The following PRRC2C variants were observed in gnomAD, a reference collection of about 807,000 sequenced individuals.
PRRC2C encodes the protein proline rich coiled-coil 2C, also known as protein PRRC2C.
PRRC2C carries 72 observed loss-of-function variants against 317.2 expected under a neutral mutation model. The observed-to-expected ratio is 0.23, with a 90% CI of 0.19 to 0.28. The LOEUF (loss-of-function observed/expected upper bound fraction) is 0.28, where lower values mean the gene tolerates loss of function less well. PRRC2C is among the 10% of genes least tolerant of loss of function. The pLI is 1.00. For synonymous variants in PRRC2C, 1,296 were observed against 1,205.9 expected, an observed-to-expected ratio of 1.07 and a Z score of -1.55; for missense variants, 3,074 against 3,459.7, an observed-to-expected ratio of 0.89 and a Z score of 2.80.
chr1:171,586,559 T>C (rs1032400931), intron 30 of PRRC2C, among the ~76,000 whole-genome samples: 2 of 106,908 alleles, frequency 1.9e-5, no homozygotes, highest in Non-Finnish European at 4.1e-5. Context: ...TATTTTATTT[T>C]ATTTTATTTT....
At chr1:171,492,573 A>C (rs1166482084) in intron 1 of PRRC2C, among the ~76,000 whole-genome samples, 2 of 151,766 alleles carry the variant, frequency 1.3e-5, no homozygotes, top group African/African-American at 2.4e-5. Context: ...GGAGTGGGGG[A>C]CTAACAGGTT....
rs1369455793 is a variant in PRRC2C, at chr1:171,536,031, A to G, written c.2046A>G (p.Glu682=). 6.4e-7 allele frequency: 1 copy of G among 1,552,182 alleles called. No individual in the cohort carries two copies. Among genetic ancestry groups the G allele is most frequent in the Admixed American group, 2.0e-5 (1 of 51,016 alleles). The stretch of plus-strand genomic sequence containing the variant: ...GATATGGGATCTTACTTTTTCAGGA[A>G]CAGATGAAACAGCAGCAGTGGCAGC... The part of the protein sequence containing the change: ...SLPPRFQRQQ[E]QMKQQQWQQQ... Residue 682 remains glutamate, a splice_region_variant and synonymous_variant, in exon 14 of 35, where the codon GAA becomes GAG. Coordinates refer to ENST00000647382, the MANE Select transcript of PRRC2C (RefSeq NM_001387844.1).
At chr1:171,521,150 C>T (rs1023529876) in intron 6 of PRRC2C, among the ~76,000 whole-genome samples, 44 of 152,246 alleles carry the variant, frequency 2.9e-4, no homozygotes, top group African/African-American at 9.1e-4. Context: ...CATAGCCTTA[C>T]TTCAAATGTA....
intron 5 of PRRC2C, among the ~76,000 whole-genome samples, 157 bp from the exon 6 acceptor site, chr1:171,517,434 C>T (rs980180634): frequency 1.5e-4 from 23 of 152,006 alleles, no homozygotes; most frequent in Admixed American, 1.2e-3. Context: ...GCCACTACTA[C>T]GCAAACAACT....
chr1:171,534,873 G>A (rs1009419014), intron 12 of PRRC2C, among the ~76,000 whole-genome samples: 16 of 152,162 alleles, frequency 1.1e-4, no homozygotes, highest in Admixed American at 9.8e-4. Context: ...TGTAACAAGC[G>A]TGGATTTGTA....
intron 1 of PRRC2C, among the ~76,000 whole-genome samples, chr1:171,497,563 C>T (rs1668351627): frequency 6.6e-6 from 1 of 151,930 alleles, no homozygotes; most frequent in Non-Finnish European, 1.5e-5. Flanking sequence ...CCTCAACCTC[C>T]TAGGCTCAAG....
Position 171,541,573 on chromosome 1 carries a change from A to C in PRRC2C, c.4107A>C (p.Arg1369Ser), listed in dbSNP as rs1395569836. 5 of 1,613,722 alleles carry C rather than the reference A, an allele frequency of 3.1e-6. No homozygotes were observed. The highest frequency in any genetic ancestry group is 4.2e-6 in the Non-Finnish European group (5 of 1,179,874). The change falls in exon 16 of 35, where the codon AGA becomes AGC. Residue 1369 changes from arginine to serine, a missense_variant. Physicochemically the swap from Arg to Ser is moderately radical, Grantham distance 110 (BLOSUM62 -1). This residue lies in a region of PRRC2C where 1,320 missense variants were observed against 1,395.7 expected (regional missense o/e 0.95). Transcript: ENST00000647382. The surrounding 1 kb of genome is among the most constrained non-coding windows in gnomAD (Gnocchi z 4.1). ...CATCACGCCCTTCCACTTTACGAAGACCAGCTTATCGGGACAATCAGTGGA... is the reference window on the plus strand; with the variant it reads ...CATCACGCCCTTCCACTTTACGAAGCCCAGCTTATCGGGACAATCAGTGGA... ...GRPSRPSTLR[R>S]PAYRDNQWNP...
intron 18 of PRRC2C, among the ~76,000 whole-genome samples, chr1:171,556,570 C>T (rs1173765646): frequency 6.6e-6 from 1 of 152,228 alleles, no homozygotes; most frequent in Non-Finnish European, 1.5e-5. Flanking sequence ...GCAACGACTA[C>T]TTCCTCAAGA....
intron 3 of PRRC2C, chr1:171,513,431 T>A (rs981005308): frequency 3.6e-6 from 2 of 555,452 alleles, no homozygotes; most frequent in African/African-American, 3.7e-5. Flanking sequence ...GCTCCCCGCT[T>A]TCATACTACC....
At chr1:171,514,765 A>C in intron 4 of PRRC2C, 120 bp downstream of exon 4, 32 of 846,170 alleles carry the variant, frequency 3.8e-5, no homozygotes, top group Non-Finnish European at 5.0e-5. Context: ...GGATATACTC[A>C]AGGCTCTTAA....
chr1:171,566,589 T>C lies in PRRC2C; in HGVS notation c.6307-3T>C, dbSNP rs780744204. The stretch of plus-strand genomic sequence containing the variant: ...TAGTTTTATCATAAACATTTGACTT[T>C]AGCTTCCAGATTTGAGTCCAGTAGA... On this transcript the variant is annotated splice_region_variant and splice_polypyrimidine_tract_variant and intron_variant, in intron 21 of 34. Transcript: ENST00000647382. The C allele has an allele frequency of 1.9e-6, 3 of 1,565,738 alleles. No individual in the cohort carries two copies. Among genetic ancestry groups the C allele is most frequent in the Non-Finnish European group, 2.6e-6 (3 of 1,158,152 alleles).
At chr1:171,528,046 G>A (rs527726123) in intron 11 of PRRC2C, among the ~76,000 whole-genome samples, 4 of 152,110 alleles carry the variant, frequency 2.6e-5, no homozygotes, top group African/African-American at 9.6e-5. Flanking sequence ...AAGAAAATAA[G>A]AAGTACCTAG....
intron 24 of PRRC2C, among the ~76,000 whole-genome samples, chr1:171,573,485 A>G (rs1685130396): frequency 6.6e-6 from 1 of 152,190 alleles, no homozygotes; most frequent in African/African-American, 2.4e-5. Flanking sequence ...CTTCTATTTT[A>G]AAATAAAACA....
At chr1:171,574,443 A>G (rs1410941573) in intron 24 of PRRC2C, among the ~76,000 whole-genome samples, 2 of 152,212 alleles carry the variant, frequency 1.3e-5, no homozygotes, top group East Asian at 3.8e-4. Flanking sequence ...ATAAATGCAA[A>G]TGGTTACATC....
chr1:171,542,267 T>C, intron 16 of PRRC2C, 38 bp downstream of exon 16: 1 of 1,433,892 alleles, frequency 7.0e-7, no homozygotes, highest in Non-Finnish European at 9.3e-7. Flanking sequence ...CTTTTGCACC[T>C]TTAAAGAAGC....
chr1:171,557,807 G>A lies in PRRC2C; in HGVS notation c.5695G>A (p.Ala1899Thr). The change falls in exon 19 of 35, where the codon GCC becomes ACC. Residue 1899 changes from alanine to threonine, a missense_variant. Physicochemically the swap from Ala to Thr is moderately conservative, Grantham distance 58. Around this residue, in one of 11 missense-constraint regions of PRRC2C, gnomAD observed 640 missense variants for 676.1 expected, o/e 0.95. Transcript: ENST00000647382. The stretch of plus-strand genomic sequence containing the variant: ...CACAGCACCAACTATCCCAGCCTCA[G>A]CCCCAACTGCCTCAGTCCCACTTGC... Reference protein sequence around the residue: ...VITAPTIPASAPTASVPLAPA... With the variant: ...VITAPTIPASTPTASVPLAPA... The A allele has an allele frequency of 6.5e-7, 1 of 1,549,780 alleles. No individual in the cohort carries two copies. Among genetic ancestry groups the A allele is most frequent in the Non-Finnish European group, 8.7e-7 (1 of 1,145,906 alleles).
chr1:171,492,022 G>T (rs1417437011), intron 1 of PRRC2C, among the ~76,000 whole-genome samples: 1 of 149,878 alleles, frequency 6.7e-6, no homozygotes, highest in Non-Finnish European at 1.5e-5. Flanking sequence ...TGGAACAGTG[G>T]CATTTTATTT....
At chr1:171,572,726 A>C (rs1684998169) in intron 24 of PRRC2C, among the ~76,000 whole-genome samples, 1 of 152,300 alleles carries the variant, frequency 6.6e-6, no homozygotes, top group South Asian at 2.1e-4. Context: ...TATACTAGCA[A>C]GGTAAATAAT....
Position 171,584,544 on chromosome 1 carries a change from A to G in PRRC2C, c.7749+18A>G, listed in dbSNP as rs1282745700. 6.5e-7 allele frequency: 1 copy of G among 1,526,866 alleles called. No homozygotes were observed. The highest frequency in any genetic ancestry group is 8.7e-7 in the Non-Finnish European group (1 of 1,143,374). The allele number at this position is 1,526,866 out of a possible 1,614,324, so 94.6% of individuals were successfully genotyped here. A position where few individuals can be genotyped will look rare whatever the true frequency, so the allele number is the denominator to read the frequency against. On this transcript the variant is annotated intron_variant, in intron 30 of 34. Coordinates refer to ENST00000647382, the MANE Select transcript of PRRC2C (RefSeq NM_001387844.1). The stretch of plus-strand genomic sequence containing the variant: ...TCCAGCAGGTAAACTATGGCATGGT[A>G]AATTTCCTCAATTTTCTTTATTATT...
Sources: allele counts gnomAD v4.1 joint callset (sites outside exome capture counted in the v4.1 genomes callset), GRCh38; gene constraint gnomAD v4.1.1; regional missense constraint gnomAD v4.1.1; non-coding constraint Gnocchi (gnomAD v3.1); transcripts MANE v1.5; gene names NCBI Gene and HGNC (gene_info 2026-07-23, HGNC 2026-07-21).